The following DPP6 variants were observed in gnomAD, a reference collection of about 807,000 sequenced individuals.
DPP6 encodes the protein dipeptidyl peptidase like 6.
DPP6 carries 69 observed loss-of-function variants against 122.6 expected under a neutral mutation model. The observed-to-expected ratio is 0.56, with a 90% CI of 0.46 to 0.69. DPP6 has a LOEUF of 0.69. Ranked by LOEUF, DPP6 falls within the 30% of genes least tolerant of loss-of-function variation. The pLI is 0.00. For missense variants in DPP6, 928 were observed against 1,116.9 expected (o/e 0.83, Z 2.41); for synonymous variants, 418 against 433.1 (o/e 0.97, Z 0.43).
At chr7:154,465,433 A>G (rs1821698349) in intron 2 of DPP6, among the ~76,000 whole-genome samples, 1 of 151,258 alleles carries the variant, frequency 6.6e-6, no homozygotes, top group Admixed American at 6.6e-5. Flanking sequence ...AACCTACAGA[A>G]TGGGAGAAAA....
chr7:154,114,331 C>T (rs1004233303), intron 1 of DPP6, among the ~76,000 whole-genome samples: 1 of 152,142 alleles, frequency 6.6e-6, no homozygotes, highest in African/African-American at 2.4e-5. Context: ...AGCTTTCTGA[C>T]TCTTGGTTTT....
intron 1 of DPP6, among the ~76,000 whole-genome samples, chr7:153,927,104 G>A (rs952784123): frequency 4.6e-5 from 7 of 152,074 alleles, no homozygotes; most frequent in Non-Finnish European, 8.8e-5. Flanking sequence ...CTTGAGGCCA[G>A]GAGTTTGAGA....
At chr7:154,004,919 G>A (rs1676038264) in intron 1 of DPP6, among the ~76,000 whole-genome samples, 1 of 151,966 alleles carries the variant, frequency 6.6e-6, no homozygotes, top group Non-Finnish European at 1.5e-5. Flanking sequence ...TACATTTGTC[G>A]CCTATAATAG....
At chr7:154,475,233 T>C in intron 3 of DPP6, 196 bp downstream of exon 3, 1 of 570,776 alleles carries the variant, frequency 1.8e-6, no homozygotes, top group Non-Finnish European at 3.2e-6. Context: ...GCTTTTGTAA[T>C]GGTGTTGCCT....
chr7:153,875,828 T>C, the DPP6 span, among the ~76,000 whole-genome samples: 1 of 150,392 alleles, frequency 6.6e-6, no homozygotes, highest in Non-Finnish European at 1.5e-5. Flanking sequence ...TTAATGCAAA[T>C]GGATTGAATA....
At chr7:154,342,347 G>C (rs1031606982) in intron 1 of DPP6, among the ~76,000 whole-genome samples, 1 of 152,200 alleles carries the variant, frequency 6.6e-6, no homozygotes, top group South Asian at 2.1e-4. Flanking sequence ...ATAGGGTGTG[G>C]TCAGGTGGAG....
chr7:154,324,097 G>T (rs752835418), intron 1 of DPP6, among the ~76,000 whole-genome samples: 1 of 152,192 alleles, frequency 6.6e-6, no homozygotes, highest in Non-Finnish European at 1.5e-5. Flanking sequence ...GACATAGTGG[G>T]TGGGGTTCGT....
At chr7:153,822,413 A>T in the DPP6 span, among the ~76,000 whole-genome samples, 1 of 151,550 alleles carries the variant, frequency 6.6e-6, no homozygotes, top group South Asian at 2.1e-4. Flanking sequence ...CTAGTCTCGA[A>T]CTCCTGACCT....
At chr7:154,064,361 G>A (rs531512298) in intron 1 of DPP6, among the ~76,000 whole-genome samples, 71 of 152,260 alleles carry the variant, frequency 4.7e-4, no homozygotes, top group African/African-American at 1.6e-3. Context: ...CAAGTGCCTG[G>A]AATCCACCCC....
chr7:154,419,842 G>A lies in DPP6; in HGVS notation c.244-26372G>A, dbSNP rs78387344. Among the ~76,000 whole-genome samples, 1,276 of 152,188 alleles carry A rather than the reference G, an allele frequency of 8.4e-3. 11 individuals carry two copies. The highest frequency in any genetic ancestry group is 0.013 in the Non-Finnish European group (906 of 67,994). On this transcript the variant is annotated intron_variant, in intron 1 of 25. Coordinates refer to ENST00000377770, the MANE Select transcript of DPP6 (RefSeq NM_130797.4). ...ATTCCCACCAGCAGTGTGCTCCAGG[G>A]TGTTTCCAAAATAAGTGAAATCAGG...
intron 1 of DPP6, among the ~76,000 whole-genome samples, chr7:153,902,313 G>A (rs1429739453): frequency 6.6e-6 from 1 of 152,150 alleles, no homozygotes; most frequent in African/African-American, 2.4e-5. Flanking sequence ...TTATTTAGAG[G>A]GGGGAAAAGC....
chr7:154,789,101 GC>G (rs1797515618), intron 10 of DPP6, among the ~76,000 whole-genome samples: 1 of 152,044 alleles, frequency 6.6e-6, no homozygotes, highest in Non-Finnish European at 1.5e-5. Flanking sequence ...CTGATACCTG[GC>G]CACAGACAAA....
intron 1 of DPP6, among the ~76,000 whole-genome samples, chr7:154,223,107 G>T (rs10267846): frequency 0.028 from 4,097 of 148,842 alleles, 691 homozygotes; most frequent in African/African-American, 0.1. Context: ...TCGGCATTTG[G>T]CATTTTTGCA....
At chr7:154,708,875 C>G (rs916912897) in intron 7 of DPP6, among the ~76,000 whole-genome samples, 1 of 152,068 alleles carries the variant, frequency 6.6e-6, no homozygotes, top group African/African-American at 2.4e-5. Context: ...TGGTGAAACC[C>G]TGTCTCTACT....
the DPP6 span, among the ~76,000 whole-genome samples, chr7:153,792,575 A>G: frequency 3.7e-4 from 56 of 152,220 alleles, no homozygotes; most frequent in South Asian, 0.011. Flanking sequence ...TATTGAGTGA[A>G]TTTTGTCAGT....
chr7:154,099,381 T>C (rs1805573381), intron 1 of DPP6, among the ~76,000 whole-genome samples: 1 of 151,780 alleles, frequency 6.6e-6, no homozygotes, highest in Non-Finnish European at 1.5e-5. Context: ...TTCCAATGCA[T>C]AGGGAACAAA....
chr7:154,445,589 A>C (rs2151288467), intron 1 of DPP6, among the ~76,000 whole-genome samples: 1 of 152,296 alleles, frequency 6.6e-6, no homozygotes. Flanking sequence ...GAAACCTAGA[A>C]TAAGGATAGG....
intron 7 of DPP6, among the ~76,000 whole-genome samples, chr7:154,678,562 C>T (rs371977754): frequency 6.6e-6 from 1 of 152,204 alleles, no homozygotes; most frequent in South Asian, 2.1e-4. Context: ...GAAGAAATTC[C>T]GGACACAGCA....
intron 1 of DPP6, among the ~76,000 whole-genome samples, chr7:154,441,422 T>C (rs1442067038): frequency 6.6e-6 from 1 of 152,214 alleles, no homozygotes; most frequent in Non-Finnish European, 1.5e-5. Flanking sequence ...TTCAAATACA[T>C]TTACATTTAA....
Sources: gnomAD v4.1 joint callset for allele counts (sites outside exome capture counted in the v4.1 genomes callset) on GRCh38, gnomAD v4.1.1 for gene constraint, MANE v1.5 for transcripts, NCBI Gene and HGNC (gene_info 2026-07-23, HGNC 2026-07-21) for gene names.